SPAG5: variants seen among roughly 807,000 people sequenced by gnomAD.
The protein encoded by SPAG5 is sperm associated antigen 5.
SPAG5 carries 99 observed loss-of-function variants against 145.4 expected under a neutral mutation model. The observed-to-expected ratio is 0.68, with a 90% CI of 0.58 to 0.80. The LOEUF (loss-of-function observed/expected upper bound fraction) is 0.80. Among genes scored for constraint, SPAG5 ranks in the 30% least tolerant of loss-of-function variants. The probability of loss-of-function intolerance (pLI) is 0.00; values close to 1 mark genes in which losing one functional copy is unlikely to be tolerated. For synonymous variants in SPAG5, 477 were observed against 525.4 expected, an observed-to-expected ratio of 0.91 and a Z score of 1.26; for missense variants, 1,192 against 1,416.0, an observed-to-expected ratio of 0.84 and a Z score of 2.54.
chr17:28,584,840 T>A, intron 10 of SPAG5, 95 bp from the exon 11 acceptor site: 2 of 1,002,748 alleles, frequency 2.0e-6, no homozygotes, highest in Non-Finnish European at 1.6e-6. Context: ...GACAGAAAAC[T>A]ACCTTGCTCC....
chr17:28,578,996 G>A lies in SPAG5; in HGVS notation c.3117+145C>T, dbSNP rs962903306. ...ACAGGTCAGCCCATAGCTGACATGTGAAATGTCTGACCCCAGGAAGGGCAA... is the reference window on the plus strand; with the variant it reads ...ACAGGTCAGCCCATAGCTGACATGTAAAATGTCTGACCCCAGGAAGGGCAA... On this transcript the variant is annotated intron_variant, in intron 19 of 23. Transcript: ENST00000321765. 9 of 713,610 alleles carry A rather than the reference G, an allele frequency of 1.3e-5. No individual in the cohort carries two copies. The East Asian group carries it at 2.4e-4, about 19-fold the overall frequency. The allele number at this position is 713,610 out of a possible 1,614,324, so 44.2% of individuals were successfully genotyped here. A position where few individuals can be genotyped will look rare whatever the true frequency, so the allele number is the denominator to read the frequency against.
intron 2 of SPAG5, 168 bp downstream of exon 2, chr17:28,598,342 T>G (rs1250286082): frequency 1.4e-6 from 1 of 728,980 alleles, no homozygotes; most frequent in African/African-American, 1.8e-5. Flanking sequence ...GGATTTCCTT[T>G]AACCACCCTA....
At chr17:28,594,719 G>A (rs930557684) in intron 2 of SPAG5, among the ~76,000 whole-genome samples, 5 of 152,058 alleles carry the variant, frequency 3.3e-5, no homozygotes, top group Non-Finnish European at 5.9e-5. Context: ...TACTGACCTG[G>A]GTATTAGTTA....
At chr17:28,593,592 T>C (rs948750267) in intron 2 of SPAG5, among the ~76,000 whole-genome samples, 12 of 152,082 alleles carry the variant, frequency 7.9e-5, no homozygotes, top group Non-Finnish European at 1.8e-4. Context: ...GTGGTGCTGA[T>C]GTGTGCCTGT....
chr17:28,595,593 C>T (rs1444605511), intron 2 of SPAG5, among the ~76,000 whole-genome samples: 1 of 150,878 alleles, frequency 6.6e-6, no homozygotes, highest in Non-Finnish European at 1.5e-5. Context: ...ACTAAAAATA[C>T]AAAAAATTAG....
rs767090328 is a variant in SPAG5 at position 28,579,198 on chromosome 17, C to A, written c.3060G>T (p.Gln1020His). The change falls in exon 19 of 24, where the codon CAG becomes CAT. Residue 1020 changes from glutamine to histidine, a missense_variant. By Grantham distance (24) the Gln-to-His change is conservative. This residue lies in a region of SPAG5 where 709 missense variants were observed against 840.7 expected (regional missense o/e 0.84). Transcript: ENST00000321765. ...TCTCTATGTCTGCTTCTTTTGCCTTCTGGACTTCCTGATGCTGTTCTTCCT... is the reference window on the plus strand; with the variant it reads ...TCTCTATGTCTGCTTCTTTTGCCTTATGGACTTCCTGATGCTGTTCTTCCT... ...QAQEEQHQEV[Q>H]KAKEADIEKL... The A allele has an allele frequency of 1.2e-6, 2 of 1,614,198 alleles. No individual in the cohort carries two copies. The highest frequency in any genetic ancestry group is 1.1e-5 in the South Asian group (1 of 91,080).
chr17:28,592,663 A>C lies in SPAG5; in HGVS notation c.581T>G (p.Phe194Cys), dbSNP rs942619584. 1.2e-6 allele frequency: 2 copies of C among 1,614,184 alleles called. No individual in the cohort carries two copies. The highest frequency in any genetic ancestry group is 1.7e-6 in the Non-Finnish European group (2 of 1,180,024). ...EVAAVSEKPI[F>C]QESPSHLLEE... is the part of the protein sequence containing the mutation. Reference sequence around the variant, plus strand: ...TAAGAGATGGGACGGAGATTCCTGAAAGATAGGTTTCTCAGATACAGCAGC... The same window carrying C: ...TAAGAGATGGGACGGAGATTCCTGACAGATAGGTTTCTCAGATACAGCAGC... The change falls in exon 3 of 24, where the codon TTT (phenylalanine) becomes TGT (cysteine). Residue 194 changes from phenylalanine (F) to cysteine (C), a missense_variant. Coordinates refer to ENST00000321765, the MANE Select transcript of SPAG5 (RefSeq NM_006461.4).
At chr17:28,584,529 C>T (rs1294901733) in intron 11 of SPAG5, 49 bp from the exon 12 acceptor site, 2 of 1,612,254 alleles carry the variant, frequency 1.2e-6, no homozygotes, top group East Asian at 2.2e-5. Context: ...AGGCTAGAAA[C>T]TCCCCAAACT....
chr17:28,591,840 T>A lies in SPAG5; in HGVS notation c.1295A>T (p.His432Leu), dbSNP rs1285154286. The A allele has an allele frequency of 6.2e-7, 1 of 1,613,916 alleles. No homozygotes were observed. The highest frequency in any genetic ancestry group is 8.5e-7 in the Non-Finnish European group (1 of 1,179,994). ...GCTCAGCAGGTTATCTTCCAAGTCA[T>A]GTCGAGACAAGGCAGTCAGATCTGG... ...RPPDLTALSR[H>L]DLEDNLLSSL... The change falls in exon 4 of 24, where the codon CAT becomes CTT. Residue 432 changes from histidine to leucine, a missense_variant. Transcript: ENST00000321765.
intron 1 of SPAG5, 57 bp downstream of exon 1, chr17:28,598,839 G>C (rs1404981242): frequency 3.1e-6 from 5 of 1,592,684 alleles, no homozygotes; most frequent in Non-Finnish European, 8.6e-7. Context: ...AGACACGGCC[G>C]GTGCCCCCGC....
intron 15 of SPAG5, among the ~76,000 whole-genome samples, chr17:28,581,086 T>C (rs1042104906): frequency 1.3e-5 from 2 of 152,196 alleles, no homozygotes; most frequent in Non-Finnish European, 2.9e-5. Context: ...AATTGTGGCC[T>C]ACAGGTCAAA....
At chr17:28,583,363 A>G in intron 15 of SPAG5, 148 bp downstream of exon 15, 1 of 779,482 alleles carries the variant, frequency 1.3e-6, no homozygotes, top group Non-Finnish European at 1.9e-6. Flanking sequence ...AGACAGGGGA[A>G]GAAAGGTTTG....
Position 28,598,883 on chromosome 17 carries a change from A to G in SPAG5, c.51+13T>C, listed in dbSNP as rs2070689345. ...CCCGGCCCAGTTCTCTCCGCCAGAG[A>G]TCTCCCGCTTACCGTCTGGGGCGAA... is the stretch of plus-strand genomic sequence containing the variant. On this transcript the variant is annotated intron_variant, in intron 1 of 23. Transcript: ENST00000321765. 1 of 1,613,034 alleles carries G rather than the reference A, an allele frequency of 6.2e-7. No homozygotes were observed. The highest frequency in any genetic ancestry group is 8.5e-7 in the Non-Finnish European group (1 of 1,179,560).
chr17:28,590,076 T>C (rs1210182596), intron 4 of SPAG5, among the ~76,000 whole-genome samples: 3 of 152,188 alleles, frequency 2.0e-5, no homozygotes, highest in African/African-American at 7.2e-5. Flanking sequence ...TGTATATTAG[T>C]CACTGTAATA....
At chr17:28,594,060 C>G (rs2070642906) in intron 2 of SPAG5, among the ~76,000 whole-genome samples, 1 of 151,936 alleles carries the variant, frequency 6.6e-6, no homozygotes, top group Non-Finnish European at 1.5e-5. Flanking sequence ...GGATACCTAA[C>G]AGTTAAATAA....
At chr17:28,581,797 G>A (rs998232656) in intron 15 of SPAG5, among the ~76,000 whole-genome samples, 9 of 152,024 alleles carry the variant, frequency 5.9e-5, no homozygotes, top group Non-Finnish European at 1.0e-4. Context: ...CTGCCCTCCC[G>A]TCTGGGTGTC....
At chr17:28,589,247 C>T (rs2070605155) in intron 4 of SPAG5, among the ~76,000 whole-genome samples, 1 of 151,924 alleles carries the variant, frequency 6.6e-6, no homozygotes, top group Non-Finnish European at 1.5e-5. Flanking sequence ...TACAGGTGCC[C>T]TCCACCACAC....
In SPAG5 at chr17:28,592,162, T is replaced by C. The variant is rs1346637742; in HGVS notation, c.1082A>G (p.Gln361Arg). The C allele has an allele frequency of 4.3e-6, 7 of 1,614,048 alleles. No homozygotes were observed. In the Admixed American group the frequency reaches 8.3e-5, roughly 19 times the overall value. Residue 361 changes from glutamine (Q) to arginine (R), a missense_variant, in exon 3 of 24, where the codon CAA becomes CGA. Physicochemically the swap from Gln to Arg is conservative, Grantham distance 43. Coordinates refer to ENST00000321765, the MANE Select transcript of SPAG5 (RefSeq NM_006461.4). ...AAGCATCGAGGGAAGGGATAAGCTT[T>C]GGCGGAGATTTTCCAGCATGACGGA... ...NTSVMLENLRQSLSLPSMLRD... is the reference protein window; with the variant it reads ...NTSVMLENLRRSLSLPSMLRD...
intron 15 of SPAG5, among the ~76,000 whole-genome samples, chr17:28,580,978 TCACCATTTTCCCTGTG>T (rs1206059130): frequency 6.6e-6 from 1 of 152,196 alleles, no homozygotes; most frequent in Non-Finnish European, 1.5e-5. Context: ...GAAGCTGAGT[TCACCATTTTCCCTGTG>T]CCCTGATAGG....
Sources: allele counts gnomAD v4.1 joint callset (sites outside exome capture counted in the v4.1 genomes callset), GRCh38; gene constraint gnomAD v4.1.1; regional missense constraint gnomAD v4.1.1; transcripts MANE v1.5; gene names NCBI Gene and HGNC (gene_info 2026-07-23, HGNC 2026-07-21).